Variants in ARHGAP6 observed in about 807,000 individuals in gnomAD.
ARHGAP6 encodes the protein Rho GTPase activating protein 6, also known as rho GTPase-activating protein 6.
A neutral mutation model predicts 55.7 loss-of-function variants in ARHGAP6; 16 were observed. The observed-to-expected ratio is 0.29, with a 90% CI of 0.19 to 0.44. The LOEUF is 0.44. Ranked by LOEUF, ARHGAP6 falls within the 20% of genes least tolerant of loss-of-function variation. ARHGAP6 has a pLI of 1.00. For synonymous variants in ARHGAP6, 382 were observed against 360.9 expected, an observed-to-expected ratio of 1.06 and a Z score of -0.66; for missense variants, 698 against 808.9, an observed-to-expected ratio of 0.86 and a Z score of 1.66.
At chrX:11,583,790 T>C (rs768830572) in intron 1 of ARHGAP6, among the ~76,000 whole-genome samples, 2 of 111,694 alleles carry the variant, frequency 1.8e-5, no homozygotes, top group Admixed American at 9.5e-5. Flanking sequence ...AACATGATCA[T>C]CTCAAGTAAT....
intron 1 of ARHGAP6, among the ~76,000 whole-genome samples, chrX:11,424,919 T>C (rs1379446163): frequency 8.9e-6 from 1 of 112,623 alleles, no homozygotes; most frequent in Middle Eastern, 4.2e-3. Context: ...GTCTAGTTAA[T>C]TGCATTTTGC....
intron 1 of ARHGAP6, among the ~76,000 whole-genome samples, chrX:11,260,275 T>G: frequency 9.0e-6 from 1 of 111,520 alleles, no homozygotes; most frequent in Non-Finnish European, 1.9e-5. Context: ...GTGTTGTAAG[T>G]TTGTGATAAT....
At position 11,147,439 on chromosome X, in the gene ARHGAP6, G is replaced by A. The variant is rs771291100; in HGVS notation, c.1908-3191C>T. Among the ~76,000 whole-genome samples, 4 of 112,646 alleles carry A rather than the reference G, an allele frequency of 3.6e-5. No individual in the cohort carries two copies. In the East Asian group the frequency reaches 8.4e-4, roughly 24 times the overall value. ...GATTGCTGAATGGAGGCTGGAGTCC[G>A]GAGAAATTTCCAGAGACTTGGAAGC... On this transcript the variant is annotated intron_variant, in intron 10 of 12. Coordinates refer to ENST00000337414, the MANE Select transcript of ARHGAP6 (RefSeq NM_013427.3).
chrX:11,428,576 T>C (rs1356093142), intron 1 of ARHGAP6, among the ~76,000 whole-genome samples: 1 of 111,651 alleles, frequency 9.0e-6, no homozygotes, highest in Non-Finnish European at 1.9e-5. Context: ...GACTCATGAA[T>C]CAATCAATGC....
intron 1 of ARHGAP6, among the ~76,000 whole-genome samples, chrX:11,379,347 T>C (rs893997397): frequency 8.9e-6 from 1 of 112,204 alleles, no homozygotes; most frequent in African/African-American, 3.2e-5. Context: ...CTAAAGAGCA[T>C]GTATACAGGG....
At chrX:11,279,995 G>A (rs765648013) in intron 1 of ARHGAP6, among the ~76,000 whole-genome samples, 1 of 111,139 alleles carries the variant, frequency 9.0e-6, no homozygotes, top group Non-Finnish European at 1.9e-5. Context: ...GCCATTGCCT[G>A]GAGACATTTT....
intron 1 of ARHGAP6, among the ~76,000 whole-genome samples, chrX:11,362,069 A>G (rs1472444618): frequency 8.9e-6 from 1 of 112,090 alleles, no homozygotes; most frequent in African/African-American, 3.2e-5. Context: ...ACTGCAAACT[A>G]GTTCAACCCT....
intron 1 of ARHGAP6, among the ~76,000 whole-genome samples, chrX:11,554,077 C>A (rs935120127): frequency 8.9e-6 from 1 of 112,081 alleles, no homozygotes; most frequent in African/African-American, 3.2e-5. Flanking sequence ...AGAAAATGTG[C>A]TGTATAATAT....
intron 1 of ARHGAP6, among the ~76,000 whole-genome samples, chrX:11,594,755 T>A (rs2051880822): frequency 9.0e-6 from 1 of 111,599 alleles, no homozygotes; most frequent in Non-Finnish European, 1.9e-5. Context: ...CGAAACCAAT[T>A]CCCGGTACCA....
chrX:11,535,859 C>G (rs2051099732), intron 1 of ARHGAP6, among the ~76,000 whole-genome samples: 1 of 111,848 alleles, frequency 8.9e-6, no homozygotes. Context: ...CTGCAGATAT[C>G]CTTTGGGTTG....
chrX:11,604,381 A>G (rs2052010545), intron 1 of ARHGAP6, among the ~76,000 whole-genome samples: 1 of 111,174 alleles, frequency 9.0e-6, no homozygotes, highest in Non-Finnish European at 1.9e-5. Context: ...GATATAAGTG[A>G]TTTAGTCACT....
At chrX:11,563,946 A>G (rs997237912) in intron 1 of ARHGAP6, among the ~76,000 whole-genome samples, 6 of 111,624 alleles carry the variant, frequency 5.4e-5, no homozygotes, top group Non-Finnish European at 9.4e-5. Context: ...AGAGATCTAA[A>G]GCATTGTGTG....
chrX:11,408,372 C>A (rs2147761385), intron 1 of ARHGAP6, among the ~76,000 whole-genome samples: 1 of 111,693 alleles, frequency 9.0e-6, no homozygotes, highest in African/African-American at 3.3e-5. Flanking sequence ...ACAAGTCTGC[C>A]AGGATTTCTT....
intron 2 of ARHGAP6, among the ~76,000 whole-genome samples, chrX:11,232,966 T>A (rs2047153902): frequency 8.9e-6 from 1 of 112,341 alleles, no homozygotes; most frequent in Non-Finnish European, 1.9e-5. Context: ...TTCCCAGCCA[T>A]ACAGGAGGTG....
intron 1 of ARHGAP6, among the ~76,000 whole-genome samples, chrX:11,468,090 A>C (rs756999188): frequency 3.3e-4 from 37 of 111,414 alleles, no homozygotes; most frequent in Non-Finnish European, 6.6e-4. Flanking sequence ...CAACCTTTGG[A>C]GATGGTGGGT....
intron 1 of ARHGAP6, among the ~76,000 whole-genome samples, chrX:11,481,331 A>G (rs897287113): frequency 2.7e-5 from 3 of 112,300 alleles, no homozygotes; most frequent in African/African-American, 9.7e-5. Flanking sequence ...CCCACATATA[A>G]TGACTGCAGG....
intron 1 of ARHGAP6, among the ~76,000 whole-genome samples, chrX:11,345,126 T>A (rs547632888): frequency 8.9e-6 from 1 of 112,593 alleles, no homozygotes; most frequent in East Asian, 2.8e-4. Flanking sequence ...GCATTCTCTA[T>A]GTCTCTCTTG....
intron 1 of ARHGAP6, among the ~76,000 whole-genome samples, chrX:11,398,229 G>T (rs1446702829): frequency 2.0e-5 from 2 of 102,435 alleles, no homozygotes; most frequent in African/African-American, 7.3e-5. Context: ...CTAAACCAGT[G>T]CCTGTTAAAT....
chrX:11,152,565 T>A (rs1262947704), intron 10 of ARHGAP6, among the ~76,000 whole-genome samples: 7 of 111,496 alleles, frequency 6.3e-5, no homozygotes, highest in African/African-American at 2.3e-4. Context: ...TCCCCAAATA[T>A]CCAGGCTTGT....
Sources: gnomAD v4.1 joint callset for allele counts (sites outside exome capture counted in the v4.1 genomes callset) on GRCh38, gnomAD v4.1.1 for gene constraint, MANE v1.5 for transcripts, NCBI Gene and HGNC (gene_info 2026-07-23, HGNC 2026-07-21) for gene names.